MAGI2: variants seen among roughly 807,000 people sequenced by gnomAD.
MAGI2 encodes the protein membrane-associated guanylate kinase, WW and PDZ domain-containing protein 2.
In MAGI2, 35 loss-of-function variants were observed where a neutral mutation model predicts 133.3. The observed-to-expected ratio is 0.26, with a 90% CI of 0.20 to 0.35. The LOEUF is 0.35. Ranked by LOEUF, MAGI2 falls within the 10% of genes least tolerant of loss-of-function variation. MAGI2 has a pLI of 1.00. For missense variants in MAGI2, 1,636 were observed against 1,863.4 expected, an observed-to-expected ratio of 0.88 and a Z score of 2.25; for synonymous variants, 729 against 710.6, an observed-to-expected ratio of 1.03 and a Z score of -0.41.
intron 9 of MAGI2, among the ~76,000 whole-genome samples, chr7:78,303,652 C>G (rs1034470598): frequency 2.6e-5 from 4 of 152,134 alleles, no homozygotes; most frequent in African/African-American, 4.8e-5. Flanking sequence ...TCAAGCCCAA[C>G]TTAGATTTTC....
At chr7:78,647,180 C>T (rs537941114) in intron 2 of MAGI2, among the ~76,000 whole-genome samples, 6 of 152,184 alleles carry the variant, frequency 3.9e-5, no homozygotes, top group African/African-American at 1.4e-4. Flanking sequence ...TTCTGCACAG[C>T]AGAACTATTA....
Position 79,047,826 on chromosome 7 carries a change from T to C in MAGI2, c.302-40620A>G, listed in dbSNP as rs955918974. ...CAATATCTTAATACCCTTTCCAAAT[T>C]TTAGGGGACATTGTTTATTCTTCAC... On this transcript the variant is annotated intron_variant, in intron 1 of 21. Coordinates refer to ENST00000354212, the MANE Select transcript of MAGI2 (RefSeq NM_012301.4). Among the ~76,000 whole-genome samples the C allele has an allele frequency of 4.6e-5, 7 of 152,102 alleles. No individual in the cohort carries two copies. The South Asian group carries it at 1.4e-3, about 31-fold the overall frequency.
rs376515864 is a variant in MAGI2, at chr7:78,070,644, A to AT, written c.3706+8302dup. 5.3e-4 allele frequency among the ~76,000 whole-genome samples: 71 copies of AT among 134,604 alleles called. No individual in the cohort carries two copies. In the South Asian group the frequency reaches 7.0e-3, roughly 13 times the overall value. The allele number at this position is 134,604 out of a possible 152,430, so 88.3% of individuals were successfully genotyped here. On this transcript the variant is annotated intron_variant, in intron 21 of 21. Transcript: ENST00000354212. ...TGTGTGTGTGTGTATATATATATAT[A>AT]TTTTTTTTTTTTTTTTAGACGGAGT...
intron 2 of MAGI2, among the ~76,000 whole-genome samples, chr7:78,672,989 T>G (rs1445769430): frequency 6.6e-6 from 1 of 152,204 alleles, no homozygotes; most frequent in African/African-American, 2.4e-5. Flanking sequence ...TGTTTAGCCT[T>G]CTTCTGAAGT....
intron 1 of MAGI2, among the ~76,000 whole-genome samples, chr7:79,053,065 C>T (rs566677442): frequency 1.3e-5 from 2 of 152,094 alleles, no homozygotes; most frequent in African/African-American, 4.8e-5. Flanking sequence ...CTCTGCCTCC[C>T]GGGTTCACGC....
At chr7:79,206,718 T>C (rs901539230) in intron 1 of MAGI2, among the ~76,000 whole-genome samples, 1 of 151,840 alleles carries the variant, frequency 6.6e-6, no homozygotes, top group Non-Finnish European at 1.5e-5. Context: ...TTATTTTATG[T>C]GGCCAGTACC....
chr7:78,258,923 T>G (rs983921442), intron 9 of MAGI2, among the ~76,000 whole-genome samples: 1 of 152,234 alleles, frequency 6.6e-6, no homozygotes, highest in Non-Finnish European at 1.5e-5. Flanking sequence ...ACAGACCATG[T>G]GCATCTTCAA....
chr7:78,888,174 G>C (rs1397675231), intron 2 of MAGI2, among the ~76,000 whole-genome samples: 1 of 152,200 alleles, frequency 6.6e-6, no homozygotes, highest in African/African-American at 2.4e-5. Context: ...CTGCAGGAAG[G>C]CTGGGGGAGG....
chr7:78,180,754 C>G (rs3779282), intron 13 of MAGI2, among the ~76,000 whole-genome samples: 42,021 of 151,664 alleles, frequency 0.28, 6,288 homozygotes, highest in South Asian at 0.36. Flanking sequence ...GAGCAGGAAA[C>G]AGAGGCAAAG....
At chr7:78,358,162 C>CAAAA (rs1185043187) in intron 7 of MAGI2, 7 of 48,734 alleles carry the variant, frequency 1.4e-4, no homozygotes, top group Non-Finnish European at 1.8e-4. Context: ...GACTTTGCCT[C>CAAAA]AAAAAAAAAA....
intron 2 of MAGI2, among the ~76,000 whole-genome samples, chr7:78,723,577 G>C (rs1473160491): frequency 6.6e-6 from 1 of 152,098 alleles, no homozygotes; most frequent in African/African-American, 2.4e-5. Context: ...TAGTATGAAG[G>C]GCAATTAAGA....
chr7:78,917,288 C>T (rs988952578), intron 2 of MAGI2, among the ~76,000 whole-genome samples: 2 of 151,982 alleles, frequency 1.3e-5, no homozygotes, highest in East Asian at 3.9e-4. Flanking sequence ...GAATTCAGTC[C>T]TGCAGAAGTG....
intron 1 of MAGI2, among the ~76,000 whole-genome samples, chr7:79,053,096 C>T (rs535397710): frequency 1.3e-5 from 2 of 152,080 alleles, no homozygotes; most frequent in Non-Finnish European, 1.5e-5. Flanking sequence ...CCTCAGCCTC[C>T]CGAGTAGCTG....
chr7:78,137,724 G>A (rs1822303178), intron 16 of MAGI2, among the ~76,000 whole-genome samples: 1 of 152,144 alleles, frequency 6.6e-6, no homozygotes, highest in African/African-American at 2.4e-5. Context: ...CAAAAAAGAC[G>A]ATGTTGCAGG....
At chr7:78,387,317 A>T (rs879423891) in intron 6 of MAGI2, among the ~76,000 whole-genome samples, 1 of 152,186 alleles carries the variant, frequency 6.6e-6, no homozygotes, top group South Asian at 2.1e-4. Flanking sequence ...TTACATGAAC[A>T]GGTGTAAGTC....
rs147217524 is a variant in MAGI2, at chr7:78,300,661, G to T, written c.1408+43117C>A. On this transcript the variant is annotated intron_variant, in intron 9 of 21. Transcript: ENST00000354212. ...TCTCTACTTTCCAAATTAAAAATAT[G>T]GTGCCTAATGAGCTGTGACTTAGTG... Among the ~76,000 whole-genome samples, 339 of 152,274 alleles carry T rather than the reference G, an allele frequency of 2.2e-3. 1 individual carries two copies. The highest frequency in any genetic ancestry group is 7.7e-3 in the African/African-American group (321 of 41,548).
At chr7:78,133,200 G>C (rs1821752149) in intron 17 of MAGI2, 140 bp from the exon 18 acceptor site, 2 of 638,894 alleles carry the variant, frequency 3.1e-6, no homozygotes, top group Non-Finnish European at 5.3e-6. Flanking sequence ...TTAGATAGCA[G>C]GTTAATCTTA....
intron 21 of MAGI2, among the ~76,000 whole-genome samples, chr7:78,070,218 T>C (rs111631502): frequency 0.46 from 23,097 of 50,742 alleles, 3,314 homozygotes; most frequent in African/African-American, 0.53. Flanking sequence ...TATATATATA[T>C]ACACACACAC....
intron 21 of MAGI2, among the ~76,000 whole-genome samples, chr7:78,044,932 G>C (rs1305559850): frequency 6.6e-6 from 1 of 152,246 alleles, no homozygotes; most frequent in African/African-American, 2.4e-5. Context: ...ACTTTGGAAG[G>C]CCAAGGCGGG....
Sources: gnomAD v4.1 joint callset for allele counts (sites outside exome capture counted in the v4.1 genomes callset) on GRCh38, gnomAD v4.1.1 for gene constraint, MANE v1.5 for transcripts, NCBI Gene and HGNC (gene_info 2026-07-23, HGNC 2026-07-21) for gene names.